Variants in GRID2 observed in about 807,000 individuals in gnomAD.
The protein encoded by GRID2 is glutamate receptor ionotropic, delta-2.
GRID2 carries 33 observed loss-of-function variants against 114.8 expected under a neutral mutation model. The observed-to-expected ratio is 0.29, with a 90% CI of 0.22 to 0.38. GRID2 has a LOEUF of 0.38. Ranked by LOEUF, GRID2 falls within the 10% of genes least tolerant of loss-of-function variation. GRID2 has a pLI of 1.00. For synonymous variants in GRID2, 505 were observed against 449.9 expected (o/e 1.12, Z -1.55); for missense variants, 1,184 against 1,257.7 (o/e 0.94, Z 0.89).
intron 13 of GRID2, among the ~76,000 whole-genome samples, chr4:93,572,533 G>T (rs961437428): frequency 6.6e-6 from 1 of 151,574 alleles, no homozygotes; most frequent in African/African-American, 2.4e-5. Flanking sequence ...TTTCCTATTT[G>T]ATTACAGTAT....
At chr4:93,735,726 A>T (rs1363242955) in intron 14 of GRID2, among the ~76,000 whole-genome samples, 5 of 152,010 alleles carry the variant, frequency 3.3e-5, no homozygotes, top group African/African-American at 1.2e-4. Flanking sequence ...TTCTGTATTA[A>T]CTCATTTAGT....
At chr4:92,368,057 A>C (rs1311162255) in intron 1 of GRID2, among the ~76,000 whole-genome samples, 3 of 152,128 alleles carry the variant, frequency 2.0e-5, no homozygotes, top group African/African-American at 7.2e-5. Context: ...AGTAAGACTC[A>C]GAAGTGAAAT....
intron 1 of GRID2, among the ~76,000 whole-genome samples, chr4:93,795,740 G>A (rs576900547): frequency 1.3e-5 from 2 of 152,224 alleles, no homozygotes; most frequent in East Asian, 3.9e-4. Context: ...ATTTACACAG[G>A]AATATGTGTA....
At chr4:93,496,120 TAA>T (rs34078987) in intron 12 of GRID2, among the ~76,000 whole-genome samples, 95 of 141,744 alleles carry the variant, frequency 6.7e-4, no homozygotes, top group Non-Finnish European at 9.1e-4. Flanking sequence ...TTCCTGATTG[TAA>T]AAAAAAAAAA....
intron 2 of GRID2, among the ~76,000 whole-genome samples, chr4:92,918,321 T>C (rs1748998495): frequency 6.6e-6 from 1 of 152,160 alleles, no homozygotes. Flanking sequence ...ACTTCCTCTT[T>C]TCCTAATTGA....
intron 1 of GRID2, among the ~76,000 whole-genome samples, chr4:92,466,449 T>G (rs561649455): frequency 1.3e-5 from 2 of 152,006 alleles, no homozygotes; most frequent in South Asian, 4.1e-4. Flanking sequence ...ATTGTTTTGA[T>G]TTTTAGATAC....
chr4:93,083,571 C>T (rs185579314), intron 2 of GRID2, among the ~76,000 whole-genome samples: 1 of 151,878 alleles, frequency 6.6e-6, no homozygotes, highest in Admixed American at 6.6e-5. Flanking sequence ...TGGCACAGGC[C>T]TGTAATCCCA....
chr4:93,046,508 A>C (rs924472509), intron 2 of GRID2, among the ~76,000 whole-genome samples: 4 of 152,114 alleles, frequency 2.6e-5, no homozygotes, highest in Non-Finnish European at 5.9e-5. Flanking sequence ...AAAAGTTTAG[A>C]AAGTTTACAG....
intron 11 of GRID2, among the ~76,000 whole-genome samples, chr4:93,465,663 G>A (rs570332746): frequency 3.9e-4 from 59 of 152,188 alleles, no homozygotes; most frequent in South Asian, 1.2e-3. Context: ...CAAAGGCCAC[G>A]GCAAGAGATA....
intron 3 of GRID2, among the ~76,000 whole-genome samples, chr4:93,105,155 T>C (rs1324292701): frequency 1.3e-5 from 2 of 152,212 alleles, no homozygotes; most frequent in Admixed American, 1.3e-4. Flanking sequence ...GATGGCGTTG[T>C]TTGTTTTTTT....
chr4:93,463,437 T>C (rs1427799338), intron 11 of GRID2, among the ~76,000 whole-genome samples: 1 of 152,198 alleles, frequency 6.6e-6, no homozygotes, highest in Non-Finnish European at 1.5e-5. Flanking sequence ...AGAAAATTCT[T>C]TCTCATGCTC....
intron 1 of GRID2, among the ~76,000 whole-genome samples, chr4:92,483,423 C>T (rs531390757): frequency 7.9e-5 from 12 of 152,184 alleles, no homozygotes; most frequent in African/African-American, 2.9e-4. Flanking sequence ...TACAGGATGC[C>T]AGTTGAATGT....
At chr4:93,803,515 A>C (rs936149030) in intron 1 of GRID2, among the ~76,000 whole-genome samples, 1 of 152,096 alleles carries the variant, frequency 6.6e-6, no homozygotes, top group Non-Finnish European at 1.5e-5. Context: ...CAAGGTCAGG[A>C]GTTCGAGACC....
intron 1 of GRID2, among the ~76,000 whole-genome samples, chr4:92,424,940 CAT>C (rs1436659893): frequency 1.3e-5 from 2 of 151,776 alleles, no homozygotes; most frequent in East Asian, 1.9e-4. Flanking sequence ...ATGGAAAAAA[CAT>C]AGTTCTCATG....
intron 2 of GRID2, among the ~76,000 whole-genome samples, chr4:93,065,021 A>T (rs917140088): frequency 1.3e-5 from 2 of 152,004 alleles, no homozygotes; most frequent in Admixed American, 1.3e-4. Context: ...GTTACTAAAT[A>T]AGATTGAGGC....
At chr4:92,613,886 T>A (rs903399856) in intron 2 of GRID2, among the ~76,000 whole-genome samples, 10 of 151,650 alleles carry the variant, frequency 6.6e-5, no homozygotes, top group African/African-American at 1.9e-4. Flanking sequence ...TAATTTGTGT[T>A]ATTTTTGTTT....
At chr4:92,461,907 G>T (rs1287758197) in intron 1 of GRID2, among the ~76,000 whole-genome samples, 1 of 151,886 alleles carries the variant, frequency 6.6e-6, no homozygotes, top group African/African-American at 2.4e-5. Context: ...AACTTTCTGG[G>T]CTTTTAAAAT....
At chr4:93,394,602 A>G (rs1206470984) in intron 8 of GRID2, among the ~76,000 whole-genome samples, 1 of 151,944 alleles carries the variant, frequency 6.6e-6, no homozygotes, top group East Asian at 1.9e-4. Context: ...AAACAGCACA[A>G]ATAACCATTT....
At chr4:92,758,098 G>C (rs1306459844) in intron 2 of GRID2, among the ~76,000 whole-genome samples, 2 of 152,056 alleles carry the variant, frequency 1.3e-5, no homozygotes, top group Non-Finnish European at 2.9e-5. Flanking sequence ...AAGGAGAACA[G>C]ATTAAACATT....
Sources: gnomAD v4.1 joint callset for allele counts (sites outside exome capture counted in the v4.1 genomes callset) on GRCh38, gnomAD v4.1.1 for gene constraint, MANE v1.5 for transcripts, NCBI Gene and HGNC (gene_info 2026-07-23, HGNC 2026-07-21) for gene names.